Variants in NRXN3 observed in about 807,000 individuals in gnomAD.
NRXN3 encodes neurexin 3.
A neutral mutation model predicts 137.6 loss-of-function variants in NRXN3; 32 were observed. That is an observed-to-expected ratio of 0.23 (90% confidence interval 0.18 to 0.31). NRXN3 has a LOEUF of 0.31. Ranked by LOEUF, NRXN3 falls within the 10% of genes least tolerant of loss-of-function variation. NRXN3 has a pLI of 1.00. For missense variants in NRXN3, 1,574 were observed against 2,062.5 expected, an observed-to-expected ratio of 0.76 and a Z score of 4.59; for synonymous variants, 798 against 784.5, an observed-to-expected ratio of 1.02 and a Z score of -0.29.
At chr14:79,285,565 C>A (rs1227226029) in intron 15 of NRXN3, among the ~76,000 whole-genome samples, 2 of 152,118 alleles carry the variant, frequency 1.3e-5, no homozygotes, top group East Asian at 3.9e-4. Context: ...ACATCTCTCT[C>A]CTTGGCTTGC....
chr14:79,432,803 T>G (rs2095785475), intron 15 of NRXN3, among the ~76,000 whole-genome samples: 1 of 152,216 alleles, frequency 6.6e-6, no homozygotes, highest in Non-Finnish European at 1.5e-5. Context: ...TCCAGTGGGC[T>G]TCTGAATCTT....
At chr14:79,766,502 C>G (rs570718149) in intron 19 of NRXN3, among the ~76,000 whole-genome samples, 1 of 152,328 alleles carries the variant, frequency 6.6e-6, no homozygotes, top group Admixed American at 6.5e-5. Flanking sequence ...AAAGAGAAAT[C>G]ACATTGAATC....
At chr14:78,887,669 G>GT (rs2099147507) in intron 10 of NRXN3, among the ~76,000 whole-genome samples, 1 of 152,004 alleles carries the variant, frequency 6.6e-6, no homozygotes, top group Non-Finnish European at 1.5e-5. Context: ...TAAAATACGA[G>GT]TAAACATTTT....
chr14:78,684,523 G>A (rs367942255), intron 6 of NRXN3, among the ~76,000 whole-genome samples: 4 of 152,176 alleles, frequency 2.6e-5, no homozygotes, highest in East Asian at 1.9e-4. Context: ...AAAATTCTCA[G>A]TCCAGGCACA....
intron 15 of NRXN3, chr14:79,280,120 G>A (rs563309701): frequency 1.4e-6 from 2 of 1,433,626 alleles, no homozygotes; most frequent in Non-Finnish European, 1.8e-6. Context: ...CTTTCTTTAA[G>A]TAGTAATTTT....
intron 4 of NRXN3, among the ~76,000 whole-genome samples, chr14:78,474,582 T>C (rs2095345498): frequency 6.6e-6 from 1 of 152,140 alleles, no homozygotes; most frequent in Non-Finnish European, 1.5e-5. Context: ...ATGATCTTTT[T>C]CTTGGTCTCA....
intron 4 of NRXN3, among the ~76,000 whole-genome samples, chr14:78,458,735 T>C (rs1418992584): frequency 1.3e-5 from 2 of 152,238 alleles, no homozygotes; most frequent in Non-Finnish European, 2.9e-5. Context: ...TAGAGAGGCT[T>C]CCCTTGCAAA....
chr14:79,510,848 A>G (rs1183883651), intron 16 of NRXN3, among the ~76,000 whole-genome samples: 1 of 152,076 alleles, frequency 6.6e-6, no homozygotes, highest in East Asian at 1.9e-4. Flanking sequence ...GGAGGTGGAG[A>G]CTACGAGTAA....
intron 20 of NRXN3, among the ~76,000 whole-genome samples, chr14:79,812,638 G>C (rs940170562): frequency 6.6e-6 from 1 of 152,096 alleles, no homozygotes; most frequent in African/African-American, 2.4e-5. Flanking sequence ...AATTAGTACA[G>C]TTCAGTAAAG....
At position 78,192,836 on chromosome 14, in the gene NRXN3, G is replaced by A. The variant is rs78711905; in HGVS notation, c.-704+22162G>A. Among the ~76,000 whole-genome samples the A allele has an allele frequency of 8.8e-4, 134 of 152,266 alleles. 2 individuals carry two copies. The South Asian group carries it at 0.015, about 17-fold the overall frequency. On this transcript the variant is annotated intron_variant, in intron 1 of 20. Transcript: ENST00000335750. ...TGTTAGCCACTGAGCTTGAACCTTC[G>A]CATTTTTCTCTTTCTTAAAAGAAGT...
chr14:78,407,862 C>G lies in NRXN3; in HGVS notation c.757+110002C>G, dbSNP rs565140305. ...CCCCATGTTCCAGTGCTGCTCCTCCCTCACTGGACTCTTATAATTGCTGCT... is the reference window on the plus strand; with the variant it reads ...CCCCATGTTCCAGTGCTGCTCCTCCGTCACTGGACTCTTATAATTGCTGCT... On this transcript the variant is annotated intron_variant, in intron 4 of 20. Transcript: ENST00000335750. Among the ~76,000 whole-genome samples, 10 of 152,296 alleles carry G rather than the reference C, an allele frequency of 6.6e-5. No individual in the cohort carries two copies. The South Asian group carries it at 1.9e-3, about 28-fold the overall frequency.
chr14:79,728,095 G>C (rs188640624), intron 19 of NRXN3, among the ~76,000 whole-genome samples: 2 of 152,302 alleles, frequency 1.3e-5, no homozygotes, highest in Non-Finnish European at 2.9e-5. Context: ...CCCGACTTCT[G>C]TTGCTAGGGT....
chr14:79,497,774 C>T (rs771199236), intron 16 of NRXN3, among the ~76,000 whole-genome samples: 7 of 152,238 alleles, frequency 4.6e-5, no homozygotes, highest in South Asian at 2.1e-4. Context: ...CGGTGGCTCA[C>T]GCCTGTAATC....
chr14:78,832,670 G>T (rs1192747325), intron 10 of NRXN3, among the ~76,000 whole-genome samples: 3 of 152,094 alleles, frequency 2.0e-5, no homozygotes, highest in South Asian at 4.1e-4. Context: ...GTAAGCAAAA[G>T]ACATCTCCTT....
chr14:79,507,981 G>A lies in NRXN3; in HGVS notation c.3444+40579G>A, dbSNP rs574013153. On this transcript the variant is annotated intron_variant, in intron 16 of 20. Transcript: ENST00000335750. The stretch of plus-strand genomic sequence containing the variant: ...TCTGTGTCTTCTTTCTCATAGTATG[G>A]GTTATTGGGTTGAGCAAATACTTTG... Among the ~76,000 whole-genome samples, 11 of 152,144 alleles carry A rather than the reference G, an allele frequency of 7.2e-5. 1 individual carries two copies. The South Asian group carries it at 2.3e-3, about 32-fold the overall frequency.
At chr14:79,546,505 G>GATGAACA (rs2097322124) in intron 16 of NRXN3, among the ~76,000 whole-genome samples, 1 of 152,114 alleles carries the variant, frequency 6.6e-6, no homozygotes, top group South Asian at 2.1e-4. Context: ...TAAGATGTTT[G>GATGAACA]AGTTTCAAAG....
At chr14:79,170,249 TGAG>T (rs763130925) in intron 15 of NRXN3, among the ~76,000 whole-genome samples, 11 of 152,248 alleles carry the variant, frequency 7.2e-5, no homozygotes, top group Non-Finnish European at 1.3e-4. Flanking sequence ...GTAACATAGC[TGAG>T]GAGAAGAAAC....
intron 15 of NRXN3, among the ~76,000 whole-genome samples, chr14:79,327,398 C>A (rs1319314335): frequency 1.3e-5 from 2 of 152,180 alleles, no homozygotes; most frequent in Admixed American, 1.3e-4. Context: ...CCCTAGCTCC[C>A]TTTTAAGAAC....
intron 15 of NRXN3, among the ~76,000 whole-genome samples, chr14:79,185,694 TG>T (rs2063463481): frequency 6.6e-6 from 1 of 152,118 alleles, no homozygotes; most frequent in African/African-American, 2.4e-5. Context: ...CTCGATCTCC[TG>T]ACCTCGTGAT....
Sources: gnomAD v4.1 joint callset for allele counts (sites outside exome capture counted in the v4.1 genomes callset) on GRCh38, gnomAD v4.1.1 for gene constraint, MANE v1.5 for transcripts, NCBI Gene and HGNC (gene_info 2026-07-23, HGNC 2026-07-21) for gene names.